ZNF519: variants seen among roughly 807,000 people sequenced by gnomAD.
ZNF519 encodes the protein zinc finger protein 519.
ZNF519 carries 7 observed loss-of-function variants against 7.4 expected under a neutral mutation model. The ratio of observed to expected loss-of-function variants is 0.94; its 90% CI spans 0.54 to 1.77. The LOEUF (loss-of-function observed/expected upper bound fraction) is 1.77, where lower values mean the gene tolerates loss of function less well. Among genes scored for constraint, ZNF519 ranks in the 40% most tolerant of loss-of-function variants. The pLI, the probability that ZNF519 is intolerant of heterozygous loss-of-function variation, is 0.00. For synonymous variants in ZNF519, 179 were observed against 203.3 expected (o/e 0.88, Z 1.02); for missense variants, 586 against 623.1 (o/e 0.94, Z 0.63).
intron 2 of ZNF519, among the ~76,000 whole-genome samples, chr18:14,116,821 AC>A (rs1176465205): frequency 1.3e-5 from 2 of 152,198 alleles, no homozygotes; most frequent in Non-Finnish European, 2.9e-5. Flanking sequence ...AGCCTGACCA[AC>A]AGGGTGAAAC....
intron 2 of ZNF519, among the ~76,000 whole-genome samples, chr18:14,116,347 A>G (rs1284897579): frequency 6.6e-6 from 1 of 152,176 alleles, no homozygotes; most frequent in Non-Finnish European, 1.5e-5. Flanking sequence ...ATTTCAAAGG[A>G]CCATTGATGG....
At chr18:14,131,342 C>G (rs1273455611) in intron 1 of ZNF519, among the ~76,000 whole-genome samples, 2 of 152,158 alleles carry the variant, frequency 1.3e-5, no homozygotes, top group African/African-American at 4.8e-5. Context: ...AATACTGTTT[C>G]TGAAATGTGC....
At chr18:14,123,102 AC>A (rs1357956800) in intron 2 of ZNF519, 1 of 204,770 alleles carries the variant, frequency 4.9e-6, no homozygotes, top group Non-Finnish European at 1.1e-5. Context: ...TCCTTCATTC[AC>A]CCTCACTTAC....
downstream of ZNF519, among the ~76,000 whole-genome samples, chr18:14,095,563 A>G (rs1163407925): frequency 6.6e-6 from 1 of 152,214 alleles, no homozygotes; most frequent in Non-Finnish European, 1.5e-5. Flanking sequence ...TCTAGGCTGC[A>G]GCAGTGCAGC....
Position 14,117,352 on chromosome 18 carries a change from T to C in ZNF519, c.130+6998A>G, listed in dbSNP as rs183294164. On this transcript the variant is annotated intron_variant, in intron 2 of 2. Coordinates refer to ENST00000590202, the MANE Select transcript of ZNF519 (RefSeq NM_145287.4). ...AACATTTCTAGTCTTTAGAAAAATGTAAAGCAAAACCACAATGAGATACTA... is the reference window on the plus strand; with the variant it reads ...AACATTTCTAGTCTTTAGAAAAATGCAAAGCAAAACCACAATGAGATACTA... 6.6e-5 allele frequency among the ~76,000 whole-genome samples: 10 copies of C among 152,278 alleles called. No homozygotes were observed. The East Asian group carries it at 1.9e-3, about 29-fold the overall frequency.
intron 3 of ZNF519, chr18:14,078,428 T>C (rs2046057250): frequency 6.6e-6 from 1 of 152,182 alleles, no homozygotes; most frequent in Admixed American, 6.5e-5. Flanking sequence ...AACTGCACAA[T>C]ATTTACAGAA....
chr18:14,123,574 C>T (rs1051049557), intron 2 of ZNF519, among the ~76,000 whole-genome samples: 3 of 152,050 alleles, frequency 2.0e-5, no homozygotes, highest in African/African-American at 7.2e-5. Context: ...AAAAAATTAG[C>T]CAGGCGTGGT....
intron 2 of ZNF519, among the ~76,000 whole-genome samples, chr18:14,117,471 G>A (rs72879746): frequency 0.016 from 2,451 of 152,278 alleles, 40 homozygotes; most frequent in Middle Eastern, 0.027. Context: ...TGCACTGCTG[G>A]TAGGGAAAAA....
downstream of ZNF519, among the ~76,000 whole-genome samples, chr18:14,099,247 T>A (rs1052892491): frequency 2.0e-5 from 3 of 151,838 alleles, no homozygotes; most frequent in African/African-American, 7.3e-5. Flanking sequence ...CTACCAACAT[T>A]CAAAAAATAA....
At chr18:14,118,796 G>C (rs893349239) in intron 2 of ZNF519, among the ~76,000 whole-genome samples, 2 of 152,146 alleles carry the variant, frequency 1.3e-5, no homozygotes, top group Non-Finnish European at 2.9e-5. Flanking sequence ...TGGCCCTAGA[G>C]GCAGGCCTGT....
rs1188573139 is a variant in ZNF519 at position 14,100,804 on chromosome 18, G to A, written c.*4113C>T. 1.3e-5 allele frequency: 2 copies of A among 152,142 alleles called. No individual in the cohort carries two copies. The highest frequency in any genetic ancestry group is 2.9e-5 in the Non-Finnish European group (2 of 68,040). The allele number at this position is 152,142 out of a possible 1,614,324, so 9.4% of individuals were successfully genotyped here. A position where few individuals can be genotyped will look rare whatever the true frequency, so the allele number is the denominator to read the frequency against. On this transcript the variant is annotated 3_prime_UTR_variant, in exon 3 of 3. Coordinates refer to ENST00000590202, the MANE Select transcript of ZNF519 (RefSeq NM_145287.4). ...TAAGAAAAAATTAATCTGGTAAAAT[G>A]CAAATAGATGAGTAGGTTAATTCTA...
chr18:14,073,476 G>C (rs1400326198), downstream of ZNF519: 1 of 152,080 alleles, frequency 6.6e-6, no homozygotes, highest in Non-Finnish European at 1.5e-5. Flanking sequence ...TCACCATATT[G>C]GTCAGGCTGG....
chr18:14,131,585 A>G (rs1439815774), intron 1 of ZNF519, among the ~76,000 whole-genome samples: 1 of 152,228 alleles, frequency 6.6e-6, no homozygotes, highest in African/African-American at 2.4e-5. Context: ...AAGTGGCTCT[A>G]GTGGTCTAGG....
At chr18:14,078,941 G>C (rs2046059555) in intron 3 of ZNF519, among the ~76,000 whole-genome samples, 1 of 152,160 alleles carries the variant, frequency 6.6e-6, no homozygotes, top group Non-Finnish European at 1.5e-5. Flanking sequence ...CTAACTTCAA[G>C]ATGTACAAAA....
chr18:14,097,589 T>C (rs528742658), downstream of ZNF519, among the ~76,000 whole-genome samples: 241 of 152,278 alleles, frequency 1.6e-3, 1 homozygote, highest in Middle Eastern at 6.8e-3. Flanking sequence ...GGAGCCCTTG[T>C]GGAATAAGGC....
intron 1 of ZNF519, among the ~76,000 whole-genome samples, chr18:14,129,599 T>C (rs1470900971): frequency 1.3e-5 from 2 of 152,140 alleles, no homozygotes; most frequent in African/African-American, 4.8e-5. Context: ...CCCAGTGATG[T>C]CTTTCTTCTG....
chr18:14,132,372 T>A lies in ZNF519; in HGVS notation c.-95A>T. 1 of 1,498,976 alleles carries A rather than the reference T, an allele frequency of 6.7e-7. No homozygotes were observed. Among genetic ancestry groups the A allele is most frequent in the Non-Finnish European group, 9.3e-7 (1 of 1,079,922 alleles). The allele number at this position is 1,498,976 out of a possible 1,614,324, so 92.9% of individuals were successfully genotyped here. Reference sequence around the variant, plus strand: ...GGAGTGAGTGGCAGAATCACCGAAGTCTCCCGGAGCAGAGGACACAAGGCA... The same window carrying A: ...GGAGTGAGTGGCAGAATCACCGAAGACTCCCGGAGCAGAGGACACAAGGCA... On this transcript the variant is annotated 5_prime_UTR_variant, in exon 1 of 3. Transcript: ENST00000590202.
At chr18:14,075,168 C>T (rs929208395), downstream of ZNF519, 3 of 152,096 alleles carry the variant, frequency 2.0e-5, no homozygotes, top group African/African-American at 4.8e-5. Context: ...CAATCACCTC[C>T]CACCAAGTTC....
At chr18:14,080,286 GTAC>G (rs2046065333) in intron 3 of ZNF519, 1 of 146,230 alleles carries the variant, frequency 6.8e-6, no homozygotes, top group Non-Finnish European at 1.5e-5. Flanking sequence ...ATGTAAAACG[GTAC>G]AGCCAGTTTG....
Sources: gnomAD v4.1 joint callset for allele counts (sites outside exome capture counted in the v4.1 genomes callset) on GRCh38, gnomAD v4.1.1 for gene constraint, MANE v1.5 for transcripts, NCBI Gene and HGNC (gene_info 2026-07-23, HGNC 2026-07-21) for gene names.